CDC37L1: variants seen among roughly 807,000 people sequenced by gnomAD.
CDC37L1 encodes the protein hsp90 co-chaperone Cdc37-like 1.
Under a neutral mutation model 45.9 loss-of-function variants are expected in CDC37L1, and 32 were observed. The observed-to-expected ratio is 0.70, with a 90% confidence interval of 0.53 to 0.94. The LOEUF is 0.94. Ranked by LOEUF, CDC37L1 falls within the 40% of genes least tolerant of loss-of-function variation. CDC37L1 has a pLI of 0.00. For missense variants in CDC37L1, 434 were observed against 405.7 expected (o/e 1.07, Z -0.60); for synonymous variants, 150 against 133.0 (o/e 1.13, Z -0.88).
At chr9:4,686,864 C>T (rs1162349011) in intron 2 of CDC37L1, among the ~76,000 whole-genome samples, 2 of 152,180 alleles carry the variant, frequency 1.3e-5, no homozygotes, top group East Asian at 3.8e-4. Context: ...GTGTAAAATA[C>T]ACACCAGATT....
intron 1 of CDC37L1, among the ~76,000 whole-genome samples, chr9:4,683,092 A>T (rs903402045): frequency 1.6e-3 from 230 of 143,406 alleles, no homozygotes; most frequent in African/African-American, 3.5e-3. Flanking sequence ...TTATATATAT[A>T]TTTTATTTTT....
Position 4,679,863 on chromosome 9 carries a change from T to C in CDC37L1, c.96T>C (p.Ser32=), listed in dbSNP as rs2130838965. Residue 32 remains serine, a synonymous_variant, in exon 1 of 7, where the codon TCT becomes TCC. Transcript: ENST00000381854. Reference sequence around the variant, plus strand: ...GTGACTTCGACGTGTTCCCCAGTTCTCCCCGCTGCCCGCAGCTGCCAGGCG... The same window carrying C: ...GTGACTTCGACGTGTTCCCCAGTTCCCCCCGCTGCCCGCAGCTGCCAGGCG... The part of the protein sequence containing the change: ...EESDFDVFPS[S]PRCPQLPGGG... The C allele has an allele frequency of 1.9e-6, 3 of 1,613,850 alleles. No homozygotes were observed. Among genetic ancestry groups the C allele is most frequent in the African/African-American group, 1.3e-5 (1 of 75,056 alleles).
At chr9:4,682,183 G>C (rs1222123639) in intron 1 of CDC37L1, among the ~76,000 whole-genome samples, 1 of 125,454 alleles carries the variant, frequency 8.0e-6, no homozygotes, top group Non-Finnish European at 1.6e-5. Flanking sequence ...TTTTTTTTGA[G>C]GCAGTGTCTT....
At chr9:4,698,401 T>C (rs1427681916) in intron 5 of CDC37L1, among the ~76,000 whole-genome samples, 2 of 150,300 alleles carry the variant, frequency 1.3e-5, no homozygotes, top group Non-Finnish European at 3.0e-5. Flanking sequence ...TGTAATGAGC[T>C]GAAGAAATGC....
intron 3 of CDC37L1, among the ~76,000 whole-genome samples, chr9:4,689,533 TTC>T (rs534251682): frequency 8.7e-4 from 132 of 152,220 alleles, no homozygotes; most frequent in African/African-American, 2.9e-3. Flanking sequence ...ATGTAATTTA[TTC>T]GTAAAATATT....
chr9:4,703,016 T>C, intron 6 of CDC37L1: 2 of 1,445,344 alleles, frequency 1.4e-6, no homozygotes, highest in Non-Finnish European at 9.3e-7. Flanking sequence ...TAAGTTATTA[T>C]TAGATAATTC....
intron 5 of CDC37L1, among the ~76,000 whole-genome samples, chr9:4,698,267 A>T (rs1841365981): frequency 1.3e-5 from 2 of 151,798 alleles, no homozygotes; most frequent in Admixed American, 1.3e-4. Context: ...TTTAATGAGA[A>T]ATCAGACTTT....
chr9:4,706,038 A>G lies in CDC37L1; in HGVS notation c.940A>G (p.Ser314Gly). 6.3e-7 allele frequency: 1 copy of G among 1,590,824 alleles called. No individual in the cohort carries two copies. The highest frequency in any genetic ancestry group is 8.6e-7 in the Non-Finnish European group (1 of 1,159,762). ...TCCAGATTATCTTCAGTATTCTATC[A>G]GTACAGCTCTCTGCAGCTTAAACTC... ...QNPDYLQYSI[S>G]TALCSLNSVV... The change falls in exon 7 of 7, where the codon AGT becomes GGT. Residue 314 changes from serine (S) to glycine (G), a missense_variant. Coordinates refer to ENST00000381854, the MANE Select transcript of CDC37L1 (RefSeq NM_017913.4).
In CDC37L1 at chr9:4,701,929, A is replaced by C. The variant is rs1479720226; in HGVS notation, c.813A>C (p.Arg271Ser). The part of the protein sequence containing the change: ...NELEAFKSRV[R>S]LYSQSQSFQP... Reference sequence around the variant, plus strand: ...TTGAAGCTTTCAAGTCAAGAGTAAGACTTTATTCTCAATCACAAAGTTTTC... The same window carrying C: ...TTGAAGCTTTCAAGTCAAGAGTAAGCCTTTATTCTCAATCACAAAGTTTTC... Residue 271 changes from arginine to serine, a missense_variant, in exon 6 of 7, where the codon AGA (arginine) becomes AGC (serine). Physicochemically the swap from Arg to Ser is moderately radical, Grantham distance 110. Transcript: ENST00000381854. 1.3e-6 allele frequency: 2 copies of C among 1,597,400 alleles called. No individual in the cohort carries two copies.
intron 6 of CDC37L1, chr9:4,703,123 C>A: frequency 6.5e-7 from 1 of 1,529,208 alleles, no homozygotes. Context: ...CCAGTTTAAT[C>A]TGTTGTCTAC....
At chr9:4,701,265 G>A (rs563197178) in intron 5 of CDC37L1, among the ~76,000 whole-genome samples, 78 of 152,262 alleles carry the variant, frequency 5.1e-4, no homozygotes, top group African/African-American at 1.8e-3. Context: ...CCACTCCCTC[G>A]ACCTAAGTTA....
At chr9:4,688,268 G>T (rs1468918105) in intron 2 of CDC37L1, among the ~76,000 whole-genome samples, 1 of 152,168 alleles carries the variant, frequency 6.6e-6, no homozygotes, top group Non-Finnish European at 1.5e-5. Context: ...AAAGTGCTGG[G>T]ATTACAGGCG....
At chr9:4,692,608 C>T (rs1184170137) in intron 3 of CDC37L1, among the ~76,000 whole-genome samples, 1 of 152,046 alleles carries the variant, frequency 6.6e-6, no homozygotes, top group Non-Finnish European at 1.5e-5. Flanking sequence ...AAAAATATGC[C>T]TGGAAGGAAA....
intron 3 of CDC37L1, among the ~76,000 whole-genome samples, chr9:4,695,010 C>T (rs1353487912): frequency 6.6e-6 from 1 of 152,140 alleles, no homozygotes; most frequent in Non-Finnish European, 1.5e-5. Flanking sequence ...CACAATGCTG[C>T]CATGAAGAAG....
chr9:4,693,961 C>G (rs1346115670), intron 3 of CDC37L1, among the ~76,000 whole-genome samples: 1 of 152,218 alleles, frequency 6.6e-6, no homozygotes, highest in African/African-American at 2.4e-5. Flanking sequence ...TAGCTCTAGT[C>G]TGTCTTCTCA....
chr9:4,698,473 A>T (rs1841367819), intron 5 of CDC37L1, among the ~76,000 whole-genome samples: 1 of 150,680 alleles, frequency 6.6e-6, no homozygotes. Flanking sequence ...TTGAAGAAAA[A>T]TAGATGTCTA....
Position 4,697,840 on chromosome 9 carries a change from T to A in CDC37L1, c.708T>A (p.Asp236Glu). 5 of 1,613,116 alleles carry A rather than the reference T, an allele frequency of 3.1e-6. No individual in the cohort carries two copies. The highest frequency in any genetic ancestry group is 4.2e-6 in the Non-Finnish European group (5 of 1,179,246). Residue 236 changes from aspartate to glutamate, a missense_variant, in exon 5 of 7, where the codon GAT (aspartate) becomes GAA (glutamate). Coordinates refer to ENST00000381854, the MANE Select transcript of CDC37L1 (RefSeq NM_017913.4). ...IMEMAKNCNV[D>E]PRGCFRLFFQ... ...AAATGGCCAAAAACTGTAATGTGGATCCAAGAGGGTGTTTTCGTTTATTTT... is the reference window on the plus strand; with the variant it reads ...AAATGGCCAAAAACTGTAATGTGGAACCAAGAGGGTGTTTTCGTTTATTTT...
chr9:4,697,151 T>C lies in CDC37L1; in HGVS notation c.564T>C (p.Leu188=), dbSNP rs754771656. The C allele has an allele frequency of 6.3e-7, 1 of 1,598,554 alleles. No individual in the cohort carries two copies. The highest frequency in any genetic ancestry group is 1.7e-5 in the Admixed American group (1 of 59,830). ...SQRFLSDHPY[L]VCEETAKYLI... ...GATTTTTGTCTGACCATCCATACCT[T>C]GTATGTGAAGAAACTGCTAAATATC... The change falls in exon 4 of 7, where the codon CTT becomes CTC. Residue 188 remains leucine (L), a synonymous_variant. Transcript: ENST00000381854.
chr9:4,680,776 G>A (rs1475295273), intron 1 of CDC37L1, among the ~76,000 whole-genome samples: 2 of 152,082 alleles, frequency 1.3e-5, no homozygotes, highest in African/African-American at 2.4e-5. Context: ...AGTGTCTGCC[G>A]CCTTCTTGCA....
Sources: allele counts gnomAD v4.1 joint callset (sites outside exome capture counted in the v4.1 genomes callset), GRCh38; gene constraint gnomAD v4.1.1; transcripts MANE v1.5; gene names NCBI Gene and HGNC (gene_info 2026-07-23, HGNC 2026-07-21).